The following SPECC1 variants were observed in gnomAD, a reference collection of about 807,000 sequenced individuals.
SPECC1 encodes the protein sperm antigen with calponin homology and coiled-coil domains 1.
In SPECC1, 62 loss-of-function variants were observed where a neutral mutation model predicts 104.1. The observed-to-expected ratio is 0.60, with a 90% CI of 0.49 to 0.74. The LOEUF is 0.74. Among genes scored for constraint, SPECC1 ranks in the 30% least tolerant of loss-of-function variants. The pLI is 0.00. For missense variants in SPECC1, 1,306 were observed against 1,310.5 expected (o/e 1.00, Z 0.05); for synonymous variants, 513 against 501.6 (o/e 1.02, Z -0.30).
chr17:20,306,902 C>G (rs2041783958), intron 14 of SPECC1, among the ~76,000 whole-genome samples: 1 of 151,720 alleles, frequency 6.6e-6, no homozygotes, highest in Non-Finnish European at 1.5e-5. Context: ...GGATTATCTA[C>G]CAGAACTTGA....
intron 6 of SPECC1, 42 bp downstream of exon 6, chr17:20,231,873 A>G (rs1167550387): frequency 8.8e-6 from 14 of 1,585,992 alleles, no homozygotes; most frequent in African/African-American, 1.3e-5. Flanking sequence ...CTTCCTATGA[A>G]TTACCCGCTC....
chr17:20,143,846 G>A (rs2031140650), intron 3 of SPECC1, among the ~76,000 whole-genome samples: 1 of 152,222 alleles, frequency 6.6e-6, no homozygotes. Context: ...AGGCAGGAAA[G>A]TTGTCTGTAC....
chr17:20,227,636 C>T lies in SPECC1; in HGVS notation c.2071+16C>T. 6.2e-7 allele frequency: 1 copy of T among 1,609,434 alleles called. No homozygotes were observed. Among genetic ancestry groups the T allele is most frequent in the Non-Finnish European group, 8.5e-7 (1 of 1,178,172 alleles). Reference sequence around the variant, plus strand: ...GAGCTAGAAAGTAAGTGGGGTCTGCCAGGCATGGTGGCTCACACCTATAAT... The same window carrying T: ...GAGCTAGAAAGTAAGTGGGGTCTGCTAGGCATGGTGGCTCACACCTATAAT... On this transcript the variant is annotated intron_variant, in intron 5 of 14. Transcript: ENST00000395527.
At chr17:20,286,496 T>C (rs908780172) in intron 12 of SPECC1, among the ~76,000 whole-genome samples, 3 of 152,134 alleles carry the variant, frequency 2.0e-5, no homozygotes, top group Non-Finnish European at 4.4e-5. Flanking sequence ...TCAGCCAGAT[T>C]TCACCCCTCT....
intron 2 of SPECC1, among the ~76,000 whole-genome samples, chr17:20,097,323 C>CAT (rs2152506200): frequency 6.6e-6 from 1 of 152,340 alleles, no homozygotes; most frequent in African/African-American, 2.4e-5. Context: ...CATTTCTTTA[C>CAT]ATGAGAGGCT....
intron 1 of SPECC1, among the ~76,000 whole-genome samples, chr17:20,058,594 G>A (rs2046057203): frequency 1.3e-5 from 2 of 152,224 alleles, no homozygotes; most frequent in African/African-American, 2.4e-5. Flanking sequence ...GGGTGATTGA[G>A]GCTACAGTGA....
At chr17:20,170,668 T>C (rs2151178035) in intron 3 of SPECC1, among the ~76,000 whole-genome samples, 1 of 152,330 alleles carries the variant, frequency 6.6e-6, no homozygotes, top group Middle Eastern at 3.4e-3. Flanking sequence ...TATCATTCTT[T>C]CTCTGTTATT....
chr17:20,208,769 A>G (rs2036947540), intron 4 of SPECC1, among the ~76,000 whole-genome samples: 1 of 152,154 alleles, frequency 6.6e-6, no homozygotes. Context: ...ACCTTTTATT[A>G]TGTTATGCAA....
intron 1 of SPECC1, among the ~76,000 whole-genome samples, chr17:20,080,928 AC>A (rs1482286791): frequency 6.6e-6 from 1 of 151,778 alleles, no homozygotes; most frequent in African/African-American, 2.4e-5. Context: ...TGCCGGCGTC[AC>A]CCCTGTAGCT....
At chr17:20,041,573 A>AT (rs953142511) in intron 1 of SPECC1, among the ~76,000 whole-genome samples, 8 of 99,820 alleles carry the variant, frequency 8.0e-5, no homozygotes, top group East Asian at 3.4e-4. Flanking sequence ...CTTTGCCAAG[A>AT]TTTTTTTTTC....
chr17:20,109,271 T>TC (rs931248755), intron 2 of SPECC1, among the ~76,000 whole-genome samples: 1 of 152,236 alleles, frequency 6.6e-6, no homozygotes, highest in African/African-American at 2.4e-5. Flanking sequence ...TGGGCGGGGC[T>TC]CGCCCACTGC....
At chr17:20,125,973 T>A (rs2049282987) in intron 3 of SPECC1, among the ~76,000 whole-genome samples, 1 of 152,208 alleles carries the variant, frequency 6.6e-6, no homozygotes, top group Non-Finnish European at 1.5e-5. Flanking sequence ...TGACTTTCTC[T>A]GTTGGCACAA....
At chr17:20,064,152 G>A (rs1247293762) in intron 1 of SPECC1, among the ~76,000 whole-genome samples, 2 of 152,290 alleles carry the variant, frequency 1.3e-5, no homozygotes, top group East Asian at 3.9e-4. Context: ...GACAGGAGTC[G>A]GGGCTTCAGC....
At chr17:20,080,343 CAGAA>C (rs1186222857) in intron 1 of SPECC1, among the ~76,000 whole-genome samples, 10 of 152,170 alleles carry the variant, frequency 6.6e-5, no homozygotes, top group African/African-American at 2.2e-4. Context: ...AAAGAGATGA[CAGAA>C]AGAGGGAGAG....
intron 3 of SPECC1, among the ~76,000 whole-genome samples, chr17:20,138,762 C>T (rs1467421689): frequency 1.3e-5 from 2 of 152,140 alleles, no homozygotes; most frequent in African/African-American, 4.8e-5. Context: ...TTTATTTATC[C>T]ATTCTCCTAC....
intron 6 of SPECC1, 64 bp from the exon 7 acceptor site, chr17:20,232,136 G>A (rs1450051750): frequency 6.3e-7 from 1 of 1,585,590 alleles, no homozygotes; most frequent in African/African-American, 1.3e-5. Context: ...GGGACTCTGG[G>A]GTCCCTGCCC....
At chr17:20,150,959 T>C (rs1202014737) in intron 3 of SPECC1, among the ~76,000 whole-genome samples, 1 of 152,176 alleles carries the variant, frequency 6.6e-6, no homozygotes, top group Non-Finnish European at 1.5e-5. Flanking sequence ...TATATATTAT[T>C]TTATTGTTTA....
At chr17:20,198,280 C>T (rs908052249) in intron 3 of SPECC1, among the ~76,000 whole-genome samples, 3 of 152,018 alleles carry the variant, frequency 2.0e-5, no homozygotes, top group Non-Finnish European at 2.9e-5. Context: ...AAGGTGGTTG[C>T]CCTGAGTAAC....
intron 14 of SPECC1, among the ~76,000 whole-genome samples, chr17:20,310,242 G>T (rs558044230): frequency 6.6e-6 from 1 of 152,106 alleles, no homozygotes; most frequent in East Asian, 1.9e-4. Flanking sequence ...TTTTCTTCTG[G>T]ATATATACCC....
Sources: allele counts gnomAD v4.1 joint callset (sites outside exome capture counted in the v4.1 genomes callset), GRCh38; gene constraint gnomAD v4.1.1; transcripts MANE v1.5; gene names NCBI Gene and HGNC (gene_info 2026-07-23, HGNC 2026-07-21).